MAOB: variants seen among roughly 807,000 people sequenced by gnomAD.
The protein encoded by MAOB is monoamine oxidase B.
A neutral mutation model predicts 41.9 loss-of-function variants in MAOB; 15 were observed. The ratio of observed to expected loss-of-function variants is 0.36; its 90% CI spans 0.24 to 0.55. The LOEUF is 0.55. Among genes scored for constraint, MAOB ranks in the 20% least tolerant of loss-of-function variants. The pLI is 0.86. For synonymous variants in MAOB, 167 were observed against 144.2 expected (o/e 1.16, Z -1.13); for missense variants, 345 against 398.7 (o/e 0.87, Z 1.15).
intron 1 of MAOB, among the ~76,000 whole-genome samples, chrX:43,856,090 T>C (rs1028866419): frequency 6.3e-5 from 7 of 111,919 alleles, no homozygotes; most frequent in Admixed American, 4.7e-4. Flanking sequence ...CGTTCAACTT[T>C]TTTTTTCTTT....
rs183604657 is a variant in MAOB, at chrX:43,836,028, A to G, written c.279+2840T>C. On this transcript the variant is annotated intron_variant, in intron 3 of 14. Coordinates refer to ENST00000378069, the MANE Select transcript of MAOB (RefSeq NM_000898.5). The stretch of plus-strand genomic sequence containing the variant: ...TCTCAAGATTCAGATTAAGAAATAC[A>G]TGCATGTTCCCTGATAAAAAAGAAA... 3.6e-5 allele frequency among the ~76,000 whole-genome samples: 4 copies of G among 111,962 alleles called. No individual in the cohort carries two copies. In the Admixed American group the frequency reaches 3.8e-4, roughly 11 times the overall value.
At chrX:43,773,975 C>T (rs1050962547) in intron 12 of MAOB, among the ~76,000 whole-genome samples, 1 of 112,208 alleles carries the variant, frequency 8.9e-6, no homozygotes, top group African/African-American at 3.2e-5. Context: ...TTATCAGGTG[C>T]TGCCCCTTGG....
chrX:43,775,060 T>C (rs1323154671), intron 12 of MAOB, 115 bp downstream of exon 12: 32 of 875,884 alleles, frequency 3.7e-5, no homozygotes, highest in Admixed American at 6.4e-5. Flanking sequence ...GGGTTGTTTT[T>C]TTTTTTTTTT....
chrX:43,875,511 C>T (rs1376926238), intron 1 of MAOB, among the ~76,000 whole-genome samples: 1 of 112,047 alleles, frequency 8.9e-6, no homozygotes, highest in Admixed American at 9.5e-5. Flanking sequence ...TATGCAGACA[C>T]ACTACTAATA....
intron 3 of MAOB, among the ~76,000 whole-genome samples, chrX:43,830,994 AGTGTGTGTGT>A (rs56322068): frequency 2.8e-4 from 27 of 95,801 alleles, no homozygotes; most frequent in African/African-American, 9.0e-4. Flanking sequence ...TCAATGATTA[AGTGTGTGTGT>A]GTGTGTGTGT....
chrX:43,769,972 G>C (rs1033790405), intron 12 of MAOB, among the ~76,000 whole-genome samples: 11 of 111,402 alleles, frequency 9.9e-5, no homozygotes, highest in African/African-American at 3.6e-4. Context: ...GGTGAGGTCG[G>C]TACTATTATT....
chrX:43,772,022 G>A (rs1210308886), intron 12 of MAOB, among the ~76,000 whole-genome samples: 2 of 111,666 alleles, frequency 1.8e-5, no homozygotes, highest in Non-Finnish European at 3.8e-5. Context: ...CTATCCAGAA[G>A]AAACATTTCT....
chrX:43,833,717 CA>C lies in MAOB; in HGVS notation c.279+5150del, dbSNP rs1420093085. On this transcript the variant is annotated intron_variant, in intron 3 of 14. Transcript: ENST00000378069. ...AAAATTTAAAACTAACTGTTACCCACAACCATAGTCACTGTTAAGTTTATCC... is the reference window on the plus strand; with the variant it reads ...AAAATTTAAAACTAACTGTTACCCACACCATAGTCACTGTTAAGTTTATCC... 5.5e-3 allele frequency among the ~76,000 whole-genome samples: 614 copies of C among 112,188 alleles called. 3 individuals carry two copies. Among genetic ancestry groups the C allele is most frequent in the African/African-American group, 0.019 (578 of 30,885 alleles).
intron 3 of MAOB, among the ~76,000 whole-genome samples, chrX:43,807,026 C>A: frequency 9.0e-6 from 1 of 111,637 alleles, no homozygotes; most frequent in East Asian, 2.8e-4. Context: ...GAAGGCTTTC[C>A]TTTTATCAAG....
At chrX:43,772,686 C>A (rs1277325308) in intron 12 of MAOB, among the ~76,000 whole-genome samples, 2 of 111,771 alleles carry the variant, frequency 1.8e-5, no homozygotes, top group Admixed American at 1.9e-4. Context: ...TTTGTCCCTG[C>A]CCAAATCTCA....
intron 10 of MAOB, among the ~76,000 whole-genome samples, chrX:43,779,390 G>A (rs112694803): frequency 0.015 from 1,656 of 111,587 alleles, 45 homozygotes; most frequent in African/African-American, 0.05. Flanking sequence ...ACATATAATA[G>A]GTCAGACCAT....
chrX:43,773,548 A>G (rs1257856330), intron 12 of MAOB, among the ~76,000 whole-genome samples: 1 of 112,621 alleles, frequency 8.9e-6, no homozygotes, highest in African/African-American at 3.2e-5. Context: ...CCATTGACAT[A>G]TTCTACACTC....
In MAOB at chrX:43,850,486, G is replaced by A. The variant is rs773779753; in HGVS notation, c.47-6722C>T. 38 of 751,402 alleles carry A rather than the reference G, an allele frequency of 5.1e-5. No homozygotes were observed. In the East Asian group the frequency reaches 3.4e-3, roughly 66 times the overall value. 61.9% of individuals were successfully genotyped at this position (751,402 alleles called of 1,213,427 possible). The stretch of plus-strand genomic sequence containing the variant: ...AGTTCCTCCTCCTTAAGTTCAAACT[G>A]GCTTGTCTTCCTGAGAATGCACCAG... On this transcript the variant is annotated intron_variant, in intron 1 of 14. Coordinates refer to ENST00000378069, the MANE Select transcript of MAOB (RefSeq NM_000898.5).
chrX:43,859,341 T>C lies in MAOB; in HGVS notation c.47-15577A>G, dbSNP rs893958679. Among the ~76,000 whole-genome samples the C allele has an allele frequency of 2.7e-5, 3 of 112,014 alleles. No homozygotes were observed. The Admixed American group carries it at 2.8e-4, about 11-fold the overall frequency. On this transcript the variant is annotated intron_variant, in intron 1 of 14. Coordinates refer to ENST00000378069, the MANE Select transcript of MAOB (RefSeq NM_000898.5). ...AGAAAGAATACTTTAACATCTCTTT[T>C]CTGAAATTAAGGCCACCGTATTTGA... is the stretch of plus-strand genomic sequence containing the variant.
At chrX:43,876,855 T>C (rs1469427660) in intron 1 of MAOB, among the ~76,000 whole-genome samples, 1 of 112,134 alleles carries the variant, frequency 8.9e-6, no homozygotes, top group Admixed American at 9.4e-5. Context: ...CGCGTGTGTG[T>C]GTGTGTCAGT....
chrX:43,834,181 T>C (rs1212645853), intron 3 of MAOB, among the ~76,000 whole-genome samples: 3 of 112,138 alleles, frequency 2.7e-5, no homozygotes, highest in Non-Finnish European at 5.6e-5. Flanking sequence ...CTCAACATGG[T>C]AAGTGTGAAG....
chrX:43,873,187 C>A (rs750311165), intron 1 of MAOB, among the ~76,000 whole-genome samples: 2 of 111,664 alleles, frequency 1.8e-5, no homozygotes, highest in East Asian at 5.6e-4. Flanking sequence ...GAAAATAACC[C>A]AAAGAAATGA....
intron 1 of MAOB, among the ~76,000 whole-genome samples, chrX:43,870,794 CAAAA>C (rs763016344): frequency 2.0e-3 from 44 of 21,922 alleles, no homozygotes; most frequent in South Asian, 9.8e-3. Context: ...GACTCCACCT[CAAAA>C]AAAAAAAAAA....
At chrX:43,774,243 G>A (rs2034223516) in intron 12 of MAOB, among the ~76,000 whole-genome samples, 1 of 111,509 alleles carries the variant, frequency 9.0e-6, no homozygotes, top group Non-Finnish European at 1.9e-5. Flanking sequence ...TTTAGTAATA[G>A]TATAATAGTC....
Sources: gnomAD v4.1 joint callset for allele counts (sites outside exome capture counted in the v4.1 genomes callset) on GRCh38, gnomAD v4.1.1 for gene constraint, MANE v1.5 for transcripts, NCBI Gene and HGNC (gene_info 2026-07-23, HGNC 2026-07-21) for gene names.